The following SHANK2 variants were observed in gnomAD, a reference collection of about 807,000 sequenced individuals.
SHANK2 encodes SH3 and multiple ankyrin repeat domains 2.
In SHANK2, 43 loss-of-function variants were observed where a neutral mutation model predicts 133.7. That is an observed-to-expected ratio of 0.32 (90% confidence interval 0.25 to 0.41). The LOEUF is 0.41. SHANK2 is among the 10% of genes least tolerant of loss of function. The probability of loss-of-function intolerance (pLI) is 1.00; values close to 1 mark genes in which losing one functional copy is unlikely to be tolerated. For missense variants in SHANK2, 1,994 were observed against 2,235.8 expected (o/e 0.89, Z 2.18); for synonymous variants, 1,017 against 952.8 (o/e 1.07, Z -1.24).
chr11:70,528,542 C>T (rs376748799), intron 17 of SHANK2, among the ~76,000 whole-genome samples: 2 of 152,230 alleles, frequency 1.3e-5, no homozygotes, highest in East Asian at 1.9e-4. Flanking sequence ...TAGCCTGCCC[C>T]GGTCAGCCAG....
In SHANK2 at chr11:71,152,606, C is replaced by G. The variant is rs573137095; in HGVS notation, c.-12-5268G>C. ...GACTCCTGTGTCCCCTTGGTACCGG[C>G]TCTGGGGGTGATGGTCACAAACAGG... On this transcript the variant is annotated intron_variant, in intron 2 of 25. Coordinates refer to ENST00000601538, the MANE Select transcript of SHANK2 (RefSeq NM_012309.5). 1.2e-4 allele frequency among the ~76,000 whole-genome samples: 19 copies of G among 152,308 alleles called. No homozygotes were observed. In the South Asian group the frequency reaches 3.9e-3, roughly 32 times the overall value.
At chr11:70,575,567 G>C (rs1400585096) in intron 17 of SHANK2, among the ~76,000 whole-genome samples, 1 of 151,802 alleles carries the variant, frequency 6.6e-6, no homozygotes, top group East Asian at 1.9e-4. Flanking sequence ...CCAAAGCGGG[G>C]ACACAGAGTC....
chr11:71,239,468 T>A (rs1555124125), intron 1 of SHANK2, among the ~76,000 whole-genome samples: 1 of 150,584 alleles, frequency 6.6e-6, no homozygotes, highest in South Asian at 2.1e-4. Context: ...GTAAAAAAAT[T>A]TTTTTTTTTG....
intron 11 of SHANK2, among the ~76,000 whole-genome samples, chr11:70,834,530 C>T (rs1948776675): frequency 6.6e-6 from 1 of 152,206 alleles, no homozygotes; most frequent in African/African-American, 2.4e-5. Flanking sequence ...CAGGTACAAG[C>T]TAGAGCGGGA....
At chr11:70,942,079 C>G (rs1406486288) in intron 10 of SHANK2, among the ~76,000 whole-genome samples, 1 of 151,946 alleles carries the variant, frequency 6.6e-6, no homozygotes, top group Non-Finnish European at 1.5e-5. Context: ...CCCAGCTACT[C>G]AGGAGGCTGA....
intron 14 of SHANK2, among the ~76,000 whole-genome samples, chr11:70,776,374 T>C (rs1947365165): frequency 1.3e-5 from 2 of 152,056 alleles, no homozygotes; most frequent in Admixed American, 6.6e-5. Context: ...GCATGCAAAG[T>C]CTAAGGCCAC....
At chr11:71,088,989 C>T (rs1466746905) in intron 8 of SHANK2, among the ~76,000 whole-genome samples, 1 of 151,418 alleles carries the variant, frequency 6.6e-6, no homozygotes, top group Non-Finnish European at 1.5e-5. Context: ...TCATCCTGAA[C>T]TTGACCTTGT....
At chr11:70,720,916 A>G (rs1211072668) in intron 14 of SHANK2, among the ~76,000 whole-genome samples, 1 of 152,256 alleles carries the variant, frequency 6.6e-6, no homozygotes, top group Non-Finnish European at 1.5e-5. Flanking sequence ...GGGGAGGAAC[A>G]GAGGAGAGAC....
chr11:71,236,165 A>G (rs782667326), intron 1 of SHANK2, among the ~76,000 whole-genome samples: 43 of 152,260 alleles, frequency 2.8e-4, no homozygotes, highest in Non-Finnish European at 5.1e-4. Flanking sequence ...CATTCTCCAC[A>G]TCCCCAGCTC....
intron 14 of SHANK2, among the ~76,000 whole-genome samples, chr11:70,732,489 C>T (rs1591795525): frequency 6.6e-6 from 1 of 152,188 alleles, no homozygotes; most frequent in African/African-American, 2.4e-5. Context: ...CTGCTCAGAC[C>T]CTTGCATGGC....
At chr11:71,225,684 T>C (rs1490942330) in intron 1 of SHANK2, among the ~76,000 whole-genome samples, 2 of 152,190 alleles carry the variant, frequency 1.3e-5, no homozygotes, top group Non-Finnish European at 2.9e-5. Flanking sequence ...GTGACAGAGA[T>C]GTCAGGATGA....
intron 10 of SHANK2, among the ~76,000 whole-genome samples, chr11:70,918,691 A>G (rs1266645516): frequency 2.6e-5 from 4 of 152,110 alleles, no homozygotes; most frequent in African/African-American, 9.7e-5. Context: ...TTTTTAGTAC[A>G]GATGGGATTT....
chr11:71,102,779 C>G (rs1170782528), intron 6 of SHANK2, among the ~76,000 whole-genome samples: 1 of 152,212 alleles, frequency 6.6e-6, no homozygotes, highest in Non-Finnish European at 1.5e-5. Flanking sequence ...CAGGGACCCC[C>G]CAGGGCAAGT....
intron 11 of SHANK2, among the ~76,000 whole-genome samples, chr11:70,893,097 G>C (rs893211878): frequency 2.6e-5 from 4 of 152,218 alleles, no homozygotes; most frequent in African/African-American, 9.6e-5. Flanking sequence ...TACACATGGA[G>C]ACCACAACTG....
intron 4 of SHANK2, among the ~76,000 whole-genome samples, chr11:71,116,177 C>T (rs547317286): frequency 2.5e-4 from 38 of 152,356 alleles, no homozygotes; most frequent in African/African-American, 9.1e-4. Flanking sequence ...TCCATGACAT[C>T]TTGGGCTTCA....
rs10719298 is a variant in SHANK2, at chr11:70,913,084, T to TA, written c.1108-16518dup. ...ACTTCTCCAGCAAAGAAAAGGAAAT[T>TA]AAAAAAAAAAAAAAAACCTACCCTC... On this transcript the variant is annotated intron_variant, in intron 10 of 25. Coordinates refer to ENST00000601538, the MANE Select transcript of SHANK2 (RefSeq NM_012309.5). Among the ~76,000 whole-genome samples the TA allele has an allele frequency of 7.8e-3, 1,116 of 142,200 alleles. 12 individuals carry two copies. The highest frequency in any genetic ancestry group is 0.019 in the African/African-American group (752 of 38,694). 93.3% of individuals were successfully genotyped at this position (142,200 alleles called of 152,430 possible).
intron 25 of SHANK2, among the ~76,000 whole-genome samples, chr11:70,480,818 A>G (rs1221541445): frequency 2.0e-5 from 3 of 152,208 alleles, no homozygotes; most frequent in African/African-American, 4.8e-5. Context: ...TGAATTCAGG[A>G]GACAGTGGGG....
At chr11:70,577,501 C>G (rs560107020) in intron 17 of SHANK2, among the ~76,000 whole-genome samples, 2 of 152,198 alleles carry the variant, frequency 1.3e-5, no homozygotes, top group African/African-American at 4.8e-5. Flanking sequence ...CAGAATTGAG[C>G]CAGGTAACAG....
chr11:70,843,541 T>C (rs1590748977), intron 11 of SHANK2, among the ~76,000 whole-genome samples: 1 of 151,874 alleles, frequency 6.6e-6, no homozygotes, highest in Admixed American at 6.6e-5. Context: ...CCATTCTCAT[T>C]GATGTCCTTG....
Sources: gnomAD v4.1 joint callset for allele counts (sites outside exome capture counted in the v4.1 genomes callset) on GRCh38, gnomAD v4.1.1 for gene constraint, MANE v1.5 for transcripts, NCBI Gene and HGNC (gene_info 2026-07-23, HGNC 2026-07-21) for gene names.